The following EMG1 variants were observed in gnomAD, a reference collection of about 807,000 sequenced individuals.
EMG1 encodes ribosomal RNA small subunit methyltransferase NEP1.
In EMG1, 24 loss-of-function variants were observed where a neutral mutation model predicts 26.9. The observed-to-expected ratio is 0.89, with a 90% confidence interval of 0.65 to 1.26. The LOEUF (loss-of-function observed/expected upper bound fraction) is 1.26, where lower values mean the gene tolerates loss of function less well. Ranked by LOEUF, EMG1 falls within the 50% of genes most tolerant of loss-of-function variation. The pLI is 0.00. For missense variants in EMG1, 299 were observed against 307.6 expected, an observed-to-expected ratio of 0.97 and a Z score of 0.21; for synonymous variants, 140 against 112.6, an observed-to-expected ratio of 1.24 and a Z score of -1.54.
At position 6,987,793 on chromosome 12, in the gene EMG1, G is replaced by A. The variant is rs1407873390; in HGVS notation, c.*166G>A. ...TTAACATTTTCTAGGTGTCTGGATC[G>A]TATCTATTCCAGAGTAAAGTCATGA... On this transcript the variant is annotated 3_prime_UTR_variant and NMD_transcript_variant, in exon 7 of 8. Transcript: ENST00000261406. The surrounding 1 kb of genome is among the most constrained non-coding windows in gnomAD (Gnocchi z 4.1). The A allele has an allele frequency of 3.5e-5, 14 of 400,566 alleles. No individual in the cohort carries two copies. The highest frequency in any genetic ancestry group is 2.1e-4 in the African/African-American group (10 of 48,684). The allele number at this position is 400,566 out of a possible 1,614,324, so 24.8% of individuals were successfully genotyped here.
downstream of EMG1, among the ~76,000 whole-genome samples, chr12:6,983,758 T>C (rs937416497): frequency 1.3e-5 from 2 of 152,236 alleles, no homozygotes; most frequent in Non-Finnish European, 2.9e-5. Context: ...AATATTTGAT[T>C]GAGGCAATAT....
At chr12:6,992,998 A>G (rs1214785244), downstream of EMG1, among the ~76,000 whole-genome samples, 6 of 152,134 alleles carry the variant, frequency 3.9e-5, no homozygotes, top group Admixed American at 2.0e-4. Context: ...TTATTATTGT[A>G]TTATTATTTA....
At chr12:6,982,809 C>T, downstream of EMG1, 1 of 1,476,572 alleles carries the variant, frequency 6.8e-7, no homozygotes, top group Non-Finnish European at 9.5e-7. Context: ...AGAATTTAGC[C>T]TGGTTTTTAC....
downstream of EMG1, chr12:6,981,290 A>G: frequency 1.1e-6 from 1 of 897,442 alleles, no homozygotes; most frequent in South Asian, 1.7e-5. Flanking sequence ...TTCTTCAAAT[A>G]GCCTTCTCTT....
downstream of EMG1, chr12:6,983,288 G>A: frequency 1.5e-6 from 1 of 651,704 alleles, no homozygotes; most frequent in Non-Finnish European, 2.8e-6. Flanking sequence ...AAGTTAAGCT[G>A]TGTTCCTCTT....
In EMG1 at chr12:6,974,542, C is replaced by T. The variant is rs1946370529; in HGVS notation, c.271-10C>T. 6.2e-7 allele frequency: 1 copy of T among 1,612,780 alleles called. No homozygotes were observed. Among genetic ancestry groups the T allele is most frequent in the Non-Finnish European group, 8.5e-7 (1 of 1,178,844 alleles). On this transcript the variant is annotated splice_polypyrimidine_tract_variant and intron_variant, in intron 2 of 5. Coordinates refer to ENST00000599672, the MANE Select transcript of EMG1 (RefSeq NM_006331.8). ...AGCCTTAACCATGTCTCGGTTTCTG[C>T]TTTGCTCAGAGTTTGCTGATGCTGA...
intron 5 of EMG1, 119 bp from the exon 6 acceptor site, chr12:6,975,577 G>A (rs1555153045): frequency 2.1e-6 from 2 of 975,468 alleles, no homozygotes; most frequent in East Asian, 4.8e-5. Context: ...CCTTTGTAGG[G>A]ATTTGATATT....
chr12:6,983,765 A>G (rs1395740223), downstream of EMG1, among the ~76,000 whole-genome samples: 1 of 152,244 alleles, frequency 6.6e-6, no homozygotes, highest in African/African-American at 2.4e-5. Context: ...GATTGAGGCA[A>G]TATAAAGCTG....
In EMG1 at chr12:6,987,032, G is replaced by C. The variant is rs972462861; in HGVS notation, c.*155-750G>C. Among the ~76,000 whole-genome samples, 2 of 151,864 alleles carry C rather than the reference G, an allele frequency of 1.3e-5. No homozygotes were observed. Among genetic ancestry groups the C allele is most frequent in the Non-Finnish European group, 2.9e-5 (2 of 68,014 alleles). On this transcript the variant is annotated intron_variant and NMD_transcript_variant, in intron 6 of 7. Transcript: ENST00000261406. The surrounding 1 kb of genome is among the most constrained non-coding windows in gnomAD (Gnocchi z 4.1). ...GGAAGCTGAGGCAGGAGAATTGCTT[G>C]AACCCAGGAGGCGGAGGTGGCAGTG...
At position 6,977,391 on chromosome 12, in the gene EMG1, G is replaced by C. The variant is rs1946417502; in HGVS notation, c.*1582G>C. 6.2e-7 allele frequency: 1 copy of C among 1,614,110 alleles called. No homozygotes were observed. The highest frequency in any genetic ancestry group is 8.5e-7 in the Non-Finnish European group (1 of 1,180,056). On this transcript the variant is annotated 3_prime_UTR_variant, in exon 6 of 6. Transcript: ENST00000599672. The surrounding 1 kb of genome is among the most constrained non-coding windows in gnomAD (Gnocchi z 4.5). The stretch of plus-strand genomic sequence containing the variant: ...CCTTAAGCCATTTGTCCCACGTGAA[G>C]AGGCAGAAGGCAGTCATGGAGTAAC...
chr12:6,975,371 A>G lies in EMG1; in HGVS notation c.614A>G (p.His205Arg). The change falls in exon 5 of 6, where the codon CAT becomes CGT. Residue 205 changes from histidine (H) to arginine (R), a missense_variant. Coordinates refer to ENST00000599672, the MANE Select transcript of EMG1 (RefSeq NM_006331.8). ...GTTTTTGTGGTAGGGGCCTTTGCCC[A>G]TGGCAAGGTAAGGTCTGGGCTCAAC... ...PIVFVVGAFAHGKVSVEYTEK... is the reference protein window; with the variant it reads ...PIVFVVGAFARGKVSVEYTEK... The G allele has an allele frequency of 6.3e-7, 1 of 1,597,646 alleles. No homozygotes were observed. Among genetic ancestry groups the G allele is most frequent in the Middle Eastern group, 1.7e-4 (1 of 6,030 alleles).
intron 6 of EMG1, among the ~76,000 whole-genome samples, chr12:6,986,443 T>C (rs1946526673): frequency 6.6e-6 from 1 of 152,200 alleles, no homozygotes; most frequent in Non-Finnish European, 1.5e-5. Flanking sequence ...TCAACTTGTT[T>C]ATGCTATTGG....
intron 7 of EMG1, among the ~76,000 whole-genome samples, chr12:6,996,344 A>G (rs1200773946): frequency 6.6e-6 from 1 of 152,180 alleles, no homozygotes; most frequent in Non-Finnish European, 1.5e-5. Context: ...TCTTATCTAG[A>G]AGTGTATACA....
chr12:6,983,085 C>T, downstream of EMG1: 6 of 531,906 alleles, frequency 1.1e-5, no homozygotes, highest in Non-Finnish European at 1.7e-5. Context: ...GGCTACCACA[C>T]CCAGCTTGTT....
rs1591710132 is a variant in EMG1 at position 6,976,983 on chromosome 12, A to G, written c.*1174A>G. ...CAGATGTTTCCTAGCATGCCTCAAT[A>G]AGTCACAGTAGTCATTGCCCATACT... On this transcript the variant is annotated 3_prime_UTR_variant, in exon 6 of 6. Coordinates refer to ENST00000599672, the MANE Select transcript of EMG1 (RefSeq NM_006331.8). 1 of 620,998 alleles carries G rather than the reference A, an allele frequency of 1.6e-6. No individual in the cohort carries two copies. The highest frequency in any genetic ancestry group is 2.6e-5 in the East Asian group (1 of 38,882). 38.5% of individuals were successfully genotyped at this position (620,998 alleles called of 1,614,324 possible). A position where few individuals can be genotyped will look rare whatever the true frequency, so the allele number is the denominator to read the frequency against.
Position 6,977,061 on chromosome 12 carries a change from C to G in EMG1, c.*1252C>G, listed in dbSNP as rs1555153298. The G allele has an allele frequency of 1.1e-6, 1 of 935,024 alleles. No homozygotes were observed. Among genetic ancestry groups the G allele is most frequent in the Non-Finnish European group, 1.7e-6 (1 of 577,666 alleles). 57.9% of individuals were successfully genotyped at this position (935,024 alleles called of 1,614,324 possible). A position where few individuals can be genotyped will look rare whatever the true frequency, so the allele number is the denominator to read the frequency against. On this transcript the variant is annotated 3_prime_UTR_variant, in exon 6 of 6. Transcript: ENST00000599672. The surrounding 1 kb of genome is among the most constrained non-coding windows in gnomAD (Gnocchi z 4.5). ...TGGAATTCACCCCAGATTTCTAATA[C>G]TATTGTTTTTTTCCAGTCTGTTGCT...
chr12:6,978,752 TCTTC>T lies in EMG1; in HGVS notation c.*2947_*2950del. Reference sequence around the variant, plus strand: ...ATGACTAGGCAGTTTCTCTCAGCACTCTTCCTTTTCACACTTGTGGCTGGCTACT... The same window carrying T: ...ATGACTAGGCAGTTTCTCTCAGCACTCTTTTCACACTTGTGGCTGGCTACT... On this transcript the variant is annotated 3_prime_UTR_variant, in exon 6 of 6. Coordinates refer to ENST00000599672, the MANE Select transcript of EMG1 (RefSeq NM_006331.8). The T allele has an allele frequency of 6.3e-7, 1 of 1,585,686 alleles. No individual in the cohort carries two copies. The highest frequency in any genetic ancestry group is 2.3e-5 in the East Asian group (1 of 44,380).
chr12:6,972,696 G>C (rs1946347458), intron 1 of EMG1, among the ~76,000 whole-genome samples: 1 of 152,108 alleles, frequency 6.6e-6, no homozygotes, highest in African/African-American at 2.4e-5. Flanking sequence ...ATCCTGCCCT[G>C]CTTACTCCAG....
In EMG1 at chr12:6,978,242, G is replaced by T; in HGVS notation, c.*2433G>T. ...GCGACAGGGGGTTCTGCCCAGATGG[G>T]AAAGACGCATAGGGGTGACATGGTA... On this transcript the variant is annotated 3_prime_UTR_variant, in exon 6 of 6. Coordinates refer to ENST00000599672, the MANE Select transcript of EMG1 (RefSeq NM_006331.8). 7.1e-7 allele frequency: 1 copy of T among 1,404,688 alleles called. No individual in the cohort carries two copies. The highest frequency in any genetic ancestry group is 1.4e-5 in the South Asian group (1 of 72,066). The allele number at this position is 1,404,688 out of a possible 1,614,324, so 87.0% of individuals were successfully genotyped here.
Sources: allele counts gnomAD v4.1 joint callset (sites outside exome capture counted in the v4.1 genomes callset), GRCh38; gene constraint gnomAD v4.1.1; non-coding constraint Gnocchi (gnomAD v3.1); transcripts MANE v1.5; gene names NCBI Gene and HGNC (gene_info 2026-07-23, HGNC 2026-07-21).